Variants in APBB2 observed in about 807,000 individuals in gnomAD.
APBB2 encodes the protein Fe65-like 1.
APBB2 carries 38 observed loss-of-function variants against 82.5 expected under a neutral mutation model. That is an observed-to-expected ratio of 0.46 (90% CI 0.36 to 0.60). The LOEUF is 0.60. APBB2 is among the 20% of genes least tolerant of loss of function. The pLI is 0.00. For synonymous variants in APBB2, 341 were observed against 368.2 expected (o/e 0.93, Z 0.85); for missense variants, 772 against 972.3 (o/e 0.79, Z 2.74).
chr4:41,140,530 A>G (rs1019451526), intron 2 of APBB2, among the ~76,000 whole-genome samples: 9 of 152,132 alleles, frequency 5.9e-5, no homozygotes, highest in African/African-American at 2.2e-4. Context: ...TTACCTCTAG[A>G]GATACATTGT....
chr4:41,142,953 T>A (rs1475739703), intron 2 of APBB2, 34 bp downstream of exon 2: 1 of 152,188 alleles, frequency 6.6e-6, no homozygotes, highest in Non-Finnish European at 1.5e-5. Context: ...TCCGGCCCAA[T>A]CCGCTTTATC....
Position 40,873,386 on chromosome 4 carries a change from T to C in APBB2, c.1529+16978A>G, listed in dbSNP as rs116649288. On this transcript the variant is annotated intron_variant, in intron 12 of 17. Transcript: ENST00000508593. ...TCCTTGACTTAGTGAATTTAATTAATAGTATCAGGTTTTATCTTTCTTAAT... is the reference window on the plus strand; with the variant it reads ...TCCTTGACTTAGTGAATTTAATTAACAGTATCAGGTTTTATCTTTCTTAAT... Among the ~76,000 whole-genome samples the C allele has an allele frequency of 6.7e-3, 1,028 of 152,334 alleles. 16 individuals are homozygous for C. The highest frequency in any genetic ancestry group is 0.024 in the African/African-American group (978 of 41,558).
At chr4:41,112,430 A>G (rs889083596) in intron 2 of APBB2, among the ~76,000 whole-genome samples, 1 of 152,224 alleles carries the variant, frequency 6.6e-6, no homozygotes, top group African/African-American at 2.4e-5. Context: ...TGGCCTATGC[A>G]GGGCACTCCT....
intron 12 of APBB2, among the ~76,000 whole-genome samples, chr4:40,849,441 T>C (rs148711405): frequency 2.6e-5 from 4 of 152,356 alleles, no homozygotes; most frequent in Non-Finnish European, 4.4e-5. Context: ...GAAATCAATA[T>C]ATAAATTTCC....
intron 3 of APBB2, among the ~76,000 whole-genome samples, chr4:41,094,331 A>C (rs1742778337): frequency 6.6e-6 from 1 of 152,230 alleles, no homozygotes; most frequent in Non-Finnish European, 1.5e-5. Context: ...CAAGAAGTAC[A>C]CTTTACTCTT....
At chr4:41,066,434 G>T (rs1452596791) in intron 3 of APBB2, among the ~76,000 whole-genome samples, 1 of 152,172 alleles carries the variant, frequency 6.6e-6, no homozygotes, top group African/African-American at 2.4e-5. Context: ...CTACAAAGAT[G>T]AATAAGATAC....
At chr4:41,193,495 A>C (rs1366043819) in intron 1 of APBB2, 1 of 885,700 alleles carries the variant, frequency 1.1e-6, no homozygotes, top group Admixed American at 6.2e-5. Context: ...CCAAAACCTC[A>C]GTCCTACCCC....
At chr4:40,988,889 C>T (rs1801193323) in intron 6 of APBB2, among the ~76,000 whole-genome samples, 1 of 151,474 alleles carries the variant, frequency 6.6e-6, no homozygotes, top group Admixed American at 6.6e-5. Context: ...CCTCAGCCTC[C>T]CAAGTAGCTG....
At chr4:40,860,121 G>A (rs1007356935) in intron 12 of APBB2, among the ~76,000 whole-genome samples, 3 of 152,196 alleles carry the variant, frequency 2.0e-5, no homozygotes, top group Non-Finnish European at 2.9e-5. Flanking sequence ...GTCTGGTTTT[G>A]TTTCTGTACA....
chr4:40,879,229 T>C (rs1047011242), intron 12 of APBB2, among the ~76,000 whole-genome samples: 6 of 132,472 alleles, frequency 4.5e-5, no homozygotes, highest in African/African-American at 1.5e-4. Context: ...AGGAAACTGG[T>C]GCAGCCTCAC....
At chr4:41,051,002 A>AGGATGCTTCCCTCGACACG (rs1725731630) in intron 4 of APBB2, among the ~76,000 whole-genome samples, 2 of 152,166 alleles carry the variant, frequency 1.3e-5, no homozygotes, top group African/African-American at 4.8e-5. Context: ...CCCTCGACAC[A>AGGATGCTTCCCTCGACACG]GGATGCAAGT....
chr4:40,963,531 G>A (rs966868318), intron 6 of APBB2, among the ~76,000 whole-genome samples: 1 of 152,152 alleles, frequency 6.6e-6, no homozygotes, highest in Non-Finnish European at 1.5e-5. Context: ...TACAGGCATG[G>A]GCCACCGCGC....
chr4:41,083,725 C>T (rs960979513), intron 3 of APBB2, among the ~76,000 whole-genome samples: 1 of 146,694 alleles, frequency 6.8e-6, no homozygotes, highest in Non-Finnish European at 1.5e-5. Context: ...GTTTCATTGC[C>T]ATTTATAGGT....
intron 6 of APBB2, among the ~76,000 whole-genome samples, chr4:41,010,740 G>A (rs1037705024): frequency 3.3e-5 from 5 of 152,120 alleles, no homozygotes; most frequent in African/African-American, 4.8e-5. Flanking sequence ...AAAGACTGAC[G>A]TAGAAAAATG....
intron 2 of APBB2, among the ~76,000 whole-genome samples, chr4:41,140,037 CA>C (rs995541855): frequency 8.6e-5 from 13 of 151,908 alleles, no homozygotes; most frequent in African/African-American, 2.9e-4. Flanking sequence ...AAATTTCCCC[CA>C]AAAAACAGTG....
chr4:40,881,290 T>C (rs780362499), intron 12 of APBB2: 10 of 985,266 alleles, frequency 1.0e-5, no homozygotes, highest in Non-Finnish European at 1.2e-5. Flanking sequence ...ATACCATAGA[T>C]TAAACTTTCA....
Position 40,945,046 on chromosome 4 carries a change from T to A in APBB2, c.863A>T (p.Gln288Leu), listed in dbSNP as rs1310091936. ...GCCAGGCGGCAAATCTGGATCAGTCTGAAATGAGTGATCACTCCATATATC... is the reference window on the plus strand; with the variant it reads ...GCCAGGCGGCAAATCTGGATCAGTCAGAAATGAGTGATCACTCCATATATC... ...TADIWSDHSF[Q>L]TDPDLPPGWK... The change falls in exon 7 of 18, where the codon CAG (glutamine) becomes CTG (leucine). Residue 288 changes from glutamine (Q) to leucine (L), a missense_variant. Coordinates refer to ENST00000508593, the MANE Select transcript of APBB2 (RefSeq NM_004307.2). The A allele has an allele frequency of 6.8e-7, 1 of 1,471,390 alleles. No homozygotes were observed. Among genetic ancestry groups the A allele is most frequent in the Admixed American group, 1.9e-5 (1 of 52,476 alleles). 91.1% of individuals were successfully genotyped at this position (1,471,390 alleles called of 1,614,324 possible).
At chr4:40,911,290 C>G (rs969210378) in intron 10 of APBB2, among the ~76,000 whole-genome samples, 6 of 152,076 alleles carry the variant, frequency 3.9e-5, no homozygotes, top group African/African-American at 1.4e-4. Context: ...ACTCGGGGGT[C>G]CTGGCATCAA....
intron 6 of APBB2, 47 bp downstream of exon 6, chr4:41,013,536 T>TAA (rs75237991): frequency 5.9e-4 from 715 of 1,221,032 alleles, no homozygotes; most frequent in Non-Finnish European, 6.8e-4. Context: ...GTTGAAAAGA[T>TAA]AAAAAAAAAA....
Sources: allele counts gnomAD v4.1 joint callset (sites outside exome capture counted in the v4.1 genomes callset), GRCh38; gene constraint gnomAD v4.1.1; transcripts MANE v1.5; gene names NCBI Gene and HGNC (gene_info 2026-07-23, HGNC 2026-07-21).